LYRM4: variants seen among roughly 807,000 people sequenced by gnomAD.
LYRM4 encodes LYR motif-containing protein 4.
LYRM4 carries 9 observed loss-of-function variants against 11.7 expected under a neutral mutation model. The observed-to-expected ratio is 0.77, with a 90% CI of 0.46 to 1.34. The LOEUF is 1.34. LYRM4 is among the 40% of genes most tolerant of loss of function. LYRM4 has a pLI of 0.00. For synonymous variants in LYRM4, 42 were observed against 40.4 expected, an observed-to-expected ratio of 1.04 and a Z score of -0.15; for missense variants, 133 against 112.5, an observed-to-expected ratio of 1.18 and a Z score of -0.82.
At chr6:5,216,471 T>C (rs1762276871) in intron 2 of LYRM4, 147 bp downstream of exon 2, 1 of 885,272 alleles carries the variant, frequency 1.1e-6, no homozygotes, top group Non-Finnish European at 1.7e-6. Context: ...GAGTTCACCT[T>C]TACATGTCTG....
rs1048987385 is a variant in LYRM4 at position 5,247,504 on chromosome 6, G to C, written c.86+13144C>G. Among the ~76,000 whole-genome samples, 11 of 152,230 alleles carry C rather than the reference G, an allele frequency of 7.2e-5. 1 individual carries two copies. The East Asian group carries it at 2.1e-3, about 29-fold the overall frequency. On this transcript the variant is annotated intron_variant, in intron 1 of 2. Transcript: ENST00000330636. ...CTTTTGCCTATAGAAGTGATATCTG[G>C]TTAAAACAATATCACTCTTAGGAAT...
chr6:5,136,333 TC>T (rs772864288), intron 2 of LYRM4: 81 of 985,346 alleles, frequency 8.2e-5, no homozygotes, highest in Non-Finnish European at 9.6e-5. Flanking sequence ...TGATAACTTG[TC>T]CCCTTTCCTG....
the LYRM4 span, chr6:5,066,250 T>A: frequency 1.4e-6 from 1 of 724,246 alleles, no homozygotes; most frequent in Non-Finnish European, 2.6e-6. Flanking sequence ...ATGATACAAG[T>A]CTGGATTTCG....
intron 1 of LYRM4, among the ~76,000 whole-genome samples, chr6:5,255,257 A>C (rs541093225): frequency 1.1e-4 from 16 of 152,338 alleles, no homozygotes; most frequent in Admixed American, 3.9e-4. Context: ...AGACATCTGC[A>C]TTCTCTCATG....
the LYRM4 span, among the ~76,000 whole-genome samples, chr6:5,096,210 G>T: frequency 1.3e-5 from 2 of 152,126 alleles, no homozygotes; most frequent in African/African-American, 4.8e-5. Context: ...CTGCCACTAG[G>T]TGGGTGCAGT....
intron 1 of LYRM4, among the ~76,000 whole-genome samples, chr6:5,217,837 C>T (rs1001198529): frequency 3.3e-5 from 5 of 152,188 alleles, no homozygotes; most frequent in African/African-American, 4.8e-5. Context: ...TAGCTCTACC[C>T]CAACTACTCC....
chr6:5,061,995 G>A, the LYRM4 span, among the ~76,000 whole-genome samples: 1 of 151,144 alleles, frequency 6.6e-6, no homozygotes, highest in Non-Finnish European at 1.5e-5. Context: ...GTTTAATACT[G>A]ATACTTTGCC....
At chr6:5,074,546 A>T in the LYRM4 span, among the ~76,000 whole-genome samples, 2 of 151,964 alleles carry the variant, frequency 1.3e-5, no homozygotes, top group African/African-American at 4.8e-5. Flanking sequence ...TTCTGAGTAC[A>T]GCTTGAAGCT....
intron 2 of LYRM4, among the ~76,000 whole-genome samples, chr6:5,201,445 GC>G (rs1761389685): frequency 6.6e-6 from 1 of 152,198 alleles, no homozygotes. Flanking sequence ...ACAAGCTCAT[GC>G]CACAAACTGT....
At chr6:5,084,022 C>G in the LYRM4 span, among the ~76,000 whole-genome samples, 1 of 152,176 alleles carries the variant, frequency 6.6e-6, no homozygotes, top group Non-Finnish European at 1.5e-5. Context: ...GTAATCCCAG[C>G]TACCTTAGAG....
At chr6:5,046,850 G>A in the LYRM4 span, among the ~76,000 whole-genome samples, 11 of 152,308 alleles carry the variant, frequency 7.2e-5, no homozygotes, top group East Asian at 1.5e-3. Flanking sequence ...AACACTTTGG[G>A]AGGCCAAGAA....
At chr6:5,120,014 C>A (rs1581313438) in intron 2 of LYRM4, among the ~76,000 whole-genome samples, 2 of 152,020 alleles carry the variant, frequency 1.3e-5, no homozygotes, top group East Asian at 4.0e-4. Context: ...TCTGCCTCAG[C>A]CTCCCGAGTA....
intron 2 of LYRM4, among the ~76,000 whole-genome samples, chr6:5,145,982 CG>C (rs1371206283): frequency 6.6e-6 from 1 of 152,202 alleles, no homozygotes; most frequent in Non-Finnish European, 1.5e-5. Context: ...TATGCCTCTA[CG>C]ATCAACTCTG....
the LYRM4 span, among the ~76,000 whole-genome samples, chr6:5,069,029 TACA>T: frequency 2.0e-5 from 3 of 151,620 alleles, no homozygotes; most frequent in Admixed American, 6.6e-5. Context: ...TCAGACATGC[TACA>T]ACAAGTTAGT....
At chr6:5,219,308 T>C (rs911767633) in intron 1 of LYRM4, among the ~76,000 whole-genome samples, 3 of 152,224 alleles carry the variant, frequency 2.0e-5, no homozygotes, top group Admixed American at 1.3e-4. Context: ...TATGTATACT[T>C]GTTTGTCTCC....
At chr6:5,099,500 G>T (rs1581266321), downstream of LYRM4, among the ~76,000 whole-genome samples, 1 of 152,090 alleles carries the variant, frequency 6.6e-6, no homozygotes, top group South Asian at 2.1e-4. This position sits in a 1 kb window ranked among gnomAD's most constrained non-coding sequence, Gnocchi z 4.3. Flanking sequence ...TGATCCTCCT[G>T]CCTTGGCCTC....
intron 1 of LYRM4, among the ~76,000 whole-genome samples, chr6:5,235,258 T>A (rs1763473483): frequency 6.6e-6 from 1 of 152,012 alleles, no homozygotes; most frequent in Non-Finnish European, 1.5e-5. Context: ...TTCTCCTGCC[T>A]CAGCCTCCTG....
Position 5,197,675 on chromosome 6 carries a change from A to G in LYRM4, c.207+18943T>C, listed in dbSNP as rs549737589. 9.2e-5 allele frequency among the ~76,000 whole-genome samples: 14 copies of G among 152,200 alleles called. No homozygotes were observed. The East Asian group carries it at 2.7e-3, about 29-fold the overall frequency. On this transcript the variant is annotated intron_variant, in intron 2 of 2. Transcript: ENST00000330636. ...GGTGACAGAGTGAGACGCTGCCTCA[A>G]AAAAAATAAATAAATAAAATAAAAG...
chr6:5,148,220 G>A (rs17139551), intron 2 of LYRM4: 16,928 of 152,686 alleles, frequency 0.11, 1,049 homozygotes, highest in South Asian at 0.23. Context: ...TTGAACATTG[G>A]CTCCCAGACC....
Sources: gnomAD v4.1 joint callset for allele counts (sites outside exome capture counted in the v4.1 genomes callset) on GRCh38, gnomAD v4.1.1 for gene constraint, Gnocchi (gnomAD v3.1) non-coding constraint, MANE v1.5 for transcripts, NCBI Gene and HGNC (gene_info 2026-07-23, HGNC 2026-07-21) for gene names.